MROH2A: variants seen among roughly 807,000 people sequenced by gnomAD.
MROH2A encodes maestro heat-like repeat-containing protein family member 2A.
MROH2A carries 174 observed loss-of-function variants against 200.4 expected under a neutral mutation model. The ratio of observed to expected loss-of-function variants is 0.87; its 90% CI spans 0.77 to 0.98. The LOEUF is 0.98. Ranked by LOEUF, MROH2A falls within the 50% of genes least tolerant of loss-of-function variation. The probability of loss-of-function intolerance (pLI) is 0.00; values close to 1 mark genes in which losing one functional copy is unlikely to be tolerated. For missense variants in MROH2A, 2,045 were observed against 2,139.6 expected, an observed-to-expected ratio of 0.96 and a Z score of 0.87; for synonymous variants, 829 against 840.4, an observed-to-expected ratio of 0.99 and a Z score of 0.23.
chr2:233,781,600 TG>T (rs1700958625), intron 3 of MROH2A, among the ~76,000 whole-genome samples: 1 of 152,126 alleles, frequency 6.6e-6, no homozygotes, highest in African/African-American at 2.4e-5. Context: ...GCTATTGAGT[TG>T]TTTGAGCTCC....
chr2:233,789,868 A>G lies in MROH2A; in HGVS notation c.425A>G (p.Lys142Arg). 1 of 1,550,040 alleles carries G rather than the reference A, an allele frequency of 6.5e-7. No homozygotes were observed. The highest frequency in any genetic ancestry group is 1.2e-5 in the South Asian group (1 of 84,016). ...REIPEMEGYMKAEVASDTLVA... is the reference protein window; with the variant it reads ...REIPEMEGYMRAEVASDTLVA... ...CTCCTGCAGATGGAGGGCTATATGAAGGCAGAGGTGGCCAGCGACACACTG... is the reference window on the plus strand; with the variant it reads ...CTCCTGCAGATGGAGGGCTATATGAGGGCAGAGGTGGCCAGCGACACACTG... The change falls in exon 5 of 42, where the codon AAG becomes AGG. Residue 142 changes from lysine to arginine, a missense_variant. Lys to Arg is a conservative substitution (Grantham distance 26). Around this residue, in one of 3 missense-constraint regions of MROH2A, gnomAD observed 831 missense variants for 800.0 expected, o/e 1.04. Transcript: ENST00000389758.
At chr2:233,823,523 C>T in intron 34 of MROH2A, 33 bp from the exon 35 acceptor site, 2 of 1,538,418 alleles carry the variant, frequency 1.3e-6, no homozygotes, top group Non-Finnish European at 1.8e-6. Context: ...GGTGGGGCCG[C>T]CTCCACGACC....
chr2:233,827,334 A>G (rs1316171585), intron 35 of MROH2A, among the ~76,000 whole-genome samples: 1 of 152,242 alleles, frequency 6.6e-6, no homozygotes, highest in Non-Finnish European at 1.5e-5. Flanking sequence ...ATGCCCATCA[A>G]TGATACACTG....
At position 233,822,870 on chromosome 2, in the gene MROH2A, C is replaced by A; in HGVS notation, c.3867-11C>A. ...CAGGGCAGCGCATCACAAGCTCCCA[C>A]CTCCCTTCAGGGTCACTATCAAGTC... On this transcript the variant is annotated splice_polypyrimidine_tract_variant and intron_variant, in intron 33 of 41. Transcript: ENST00000389758. 6.5e-7 allele frequency: 1 copy of A among 1,550,164 alleles called. No individual in the cohort carries two copies. The highest frequency in any genetic ancestry group is 8.7e-7 in the Non-Finnish European group (1 of 1,146,718).
At chr2:233,827,708 A>G (rs1279943768) in intron 35 of MROH2A, among the ~76,000 whole-genome samples, 1 of 152,180 alleles carries the variant, frequency 6.6e-6, no homozygotes, top group Non-Finnish European at 1.5e-5. Context: ...CTTCCTGCAC[A>G]TGTACCCCAG....
chr2:233,781,609 T>C (rs1700959154), intron 3 of MROH2A, among the ~76,000 whole-genome samples: 1 of 152,196 alleles, frequency 6.6e-6, no homozygotes, highest in Admixed American at 6.5e-5. Context: ...TTGTTTGAGC[T>C]CCTTGTGTAT....
intron 26 of MROH2A, 82 bp from the exon 27 acceptor site, chr2:233,816,699 G>C (rs1248749308): frequency 1.2e-6 from 1 of 839,946 alleles, no homozygotes; most frequent in African/African-American, 1.7e-5. Context: ...GAGTAGGAGG[G>C]TGAGGTGGGC....
chr2:233,817,423 A>G (rs1012007162), intron 27 of MROH2A, among the ~76,000 whole-genome samples: 1 of 152,062 alleles, frequency 6.6e-6, no homozygotes, highest in African/African-American at 2.4e-5. Context: ...CGTCTGGTGC[A>G]GGGAGAGAAG....
chr2:233,800,649 G>A (rs1702414443), intron 14 of MROH2A, among the ~76,000 whole-genome samples: 3 of 151,930 alleles, frequency 2.0e-5, no homozygotes, highest in African/African-American at 7.3e-5. Context: ...GTGTGTGTGT[G>A]TGTGTGTGTC....
intron 15 of MROH2A, 141 bp from the exon 16 acceptor site, chr2:233,803,307 C>A: frequency 1.2e-6 from 1 of 802,384 alleles, no homozygotes; most frequent in African/African-American, 1.7e-5. Context: ...CTGTGCCAAC[C>A]CATTCTCCAT....
In MROH2A at chr2:233,798,936, G is replaced by A. The variant is rs1273085476; in HGVS notation, c.1329+86G>A. On this transcript the variant is annotated intron_variant, in intron 12 of 41. Coordinates refer to ENST00000389758, the MANE Select transcript of MROH2A (RefSeq NM_001394639.1). The stretch of plus-strand genomic sequence containing the variant: ...GGAAGTCTGGGCTCTGGGAGGCAGA[G>A]GCTTTTGATGGAAAACCCGGCTTTC... 6 of 1,089,966 alleles carry A rather than the reference G, an allele frequency of 5.5e-6. No individual in the cohort carries two copies. The African/African-American group carries it at 6.3e-5, about 11-fold the overall frequency. 67.5% of individuals were successfully genotyped at this position (1,089,966 alleles called of 1,614,324 possible).
At chr2:233,831,246 A>AGGGGCCC (rs1387492164) in intron 38 of MROH2A, among the ~76,000 whole-genome samples, 163 bp from the exon 39 acceptor site, 1 of 152,228 alleles carries the variant, frequency 6.6e-6, no homozygotes, top group Non-Finnish European at 1.5e-5. Flanking sequence ...TCAAGCTGGC[A>AGGGGCCC]GGGGCCCAGG....
chr2:233,829,722 G>A lies in MROH2A; in HGVS notation c.4549G>A (p.Ala1517Thr), dbSNP rs1248288879. ...TTTCTTCAAAGGGGAGGTGAAGAAG[G>A]CCTGGATCCCCCTCATGCTGCACTC... ...KHFFKGEVKK[A>T]WIPLMLHSQD... Residue 1517 changes from alanine (A) to threonine (T), a missense_variant, in exon 38 of 42, where the codon GCC becomes ACC. By Grantham distance (58) the Ala-to-Thr change is moderately conservative (BLOSUM62 0). This residue lies in a region of MROH2A where 1,201 missense variants were observed against 1,311.3 expected (regional missense o/e 0.92). Coordinates refer to ENST00000389758, the MANE Select transcript of MROH2A (RefSeq NM_001394639.1). 11 of 1,489,262 alleles carry A rather than the reference G, an allele frequency of 7.4e-6. No individual in the cohort carries two copies. The highest frequency in any genetic ancestry group is 9.0e-6 in the Non-Finnish European group (10 of 1,116,548). 92.3% of individuals were successfully genotyped at this position (1,489,262 alleles called of 1,614,324 possible).
rs1197499998 is a variant in MROH2A at position 233,828,427 on chromosome 2, A to T, written c.4114-203A>T. The T allele has an allele frequency of 1.4e-5, 8 of 563,616 alleles. No homozygotes were observed. The highest frequency in any genetic ancestry group is 9.5e-6 in the Non-Finnish European group (3 of 316,634). The allele number at this position is 563,616 out of a possible 1,614,324, so 34.9% of individuals were successfully genotyped here. A position where few individuals can be genotyped will look rare whatever the true frequency, so the allele number is the denominator to read the frequency against. On this transcript the variant is annotated intron_variant, in intron 35 of 41. Transcript: ENST00000389758. This position sits in a 1 kb window ranked among gnomAD's most constrained non-coding sequence, Gnocchi z 4.6. ...AACACTTATCTAGCATTCCCCCCAT[A>T]TTTCCTTATTAAATCCCCACACAGA... is the stretch of plus-strand genomic sequence containing the variant.
At chr2:233,819,863 G>T in intron 30 of MROH2A, 39 bp from the exon 31 acceptor site, 2 of 1,472,808 alleles carry the variant, frequency 1.4e-6, no homozygotes, top group Non-Finnish European at 1.8e-6. Context: ...GGCCATAGGG[G>T]CCTGGGCTGC....
chr2:233,799,533 C>T (rs553481798), intron 12 of MROH2A, among the ~76,000 whole-genome samples: 7 of 152,174 alleles, frequency 4.6e-5, no homozygotes, highest in African/African-American at 7.2e-5. Context: ...ATGGAGCAGC[C>T]GAGGTTGGAA....
chr2:233,825,521 C>T (rs886616050), intron 35 of MROH2A, among the ~76,000 whole-genome samples: 1 of 152,150 alleles, frequency 6.6e-6, no homozygotes, highest in African/African-American at 2.4e-5. Context: ...GAGTTTTTAA[C>T]ATGAAGGGAT....
rs766826150 is a variant in MROH2A, at chr2:233,793,783, C to A, written c.781C>A (p.Arg261Ser). 2.0e-6 allele frequency: 3 copies of A among 1,484,096 alleles called. No individual in the cohort carries two copies. The Admixed American group carries it at 6.9e-5, about 34-fold the overall frequency. 91.9% of individuals were successfully genotyped at this position (1,484,096 alleles called of 1,614,324 possible). ...TGCCCTGAAGGTGTTCCCCATGTAT[C>A]GCTACTTCGTGACAGTGTGGCTGAG... is the stretch of plus-strand genomic sequence containing the variant. Reference protein sequence around the residue: ...EFALKVFPMYRYFVTVWLRHY... With the variant: ...EFALKVFPMYSYFVTVWLRHY... The change falls in exon 7 of 42, where the codon CGC becomes AGC. Residue 261 changes from arginine to serine, a missense_variant. Physicochemically the swap from Arg to Ser is moderately radical, Grantham distance 110 (BLOSUM62 -1). Coordinates refer to ENST00000389758, the MANE Select transcript of MROH2A (RefSeq NM_001394639.1).
At chr2:233,818,447 C>G in intron 28 of MROH2A, among the ~76,000 whole-genome samples, 1 of 152,086 alleles carries the variant, frequency 6.6e-6, no homozygotes, top group Non-Finnish European at 1.5e-5. Context: ...CAAGGGAGAG[C>G]AGGCCTCTGA....
Sources: allele counts gnomAD v4.1 joint callset (sites outside exome capture counted in the v4.1 genomes callset), GRCh38; gene constraint gnomAD v4.1.1; regional missense constraint gnomAD v4.1.1; non-coding constraint Gnocchi (gnomAD v3.1); transcripts MANE v1.5; gene names NCBI Gene and HGNC (gene_info 2026-07-23, HGNC 2026-07-21).